The following TANGO2 variants were observed in gnomAD, a reference collection of about 807,000 sequenced individuals.
TANGO2 encodes transport and Golgi organization protein 2 homolog.
A neutral mutation model predicts 39.1 loss-of-function variants in TANGO2; 26 were observed. That is an observed-to-expected ratio of 0.67 (90% CI 0.49 to 0.92). TANGO2 has a LOEUF of 0.92. TANGO2 is among the 40% of genes least tolerant of loss of function. TANGO2 has a pLI of 0.00. For synonymous variants in TANGO2, 131 were observed against 144.5 expected, an observed-to-expected ratio of 0.91 and a Z score of 0.67; for missense variants, 326 against 360.1, an observed-to-expected ratio of 0.91 and a Z score of 0.77.
At chr22:20,060,154 C>T (rs1040182598) in intron 6 of TANGO2, among the ~76,000 whole-genome samples, 3 of 151,982 alleles carry the variant, frequency 2.0e-5, no homozygotes, top group African/African-American at 7.2e-5. Context: ...TCGAGACCAT[C>T]CTGGCTAAAC....
intron 6 of TANGO2, chr22:20,061,309 G>A (rs1237224761): frequency 2.0e-6 from 1 of 489,840 alleles, no homozygotes; most frequent in East Asian, 3.4e-5. Flanking sequence ...GGTCTCCTGT[G>A]GGTGCCCGCT....
chr22:20,034,265 C>T (rs760975386), intron 1 of TANGO2, among the ~76,000 whole-genome samples: 49 of 152,216 alleles, frequency 3.2e-4, no homozygotes, highest in Admixed American at 1.3e-4. Flanking sequence ...TCATCACTTC[C>T]TTTGCCCTGC....
At chr22:20,053,639 G>A (rs374852400) in intron 5 of TANGO2, 88 bp downstream of exon 5, 2 of 871,788 alleles carry the variant, frequency 2.3e-6, no homozygotes, top group Non-Finnish European at 1.9e-6. Context: ...GTTCCACTGG[G>A]GGCTGTGGCA....
rs2047882658 is a variant in TANGO2, at chr22:20,058,959, G to T, written c.452-2571G>T. Among the ~76,000 whole-genome samples, 5 of 152,174 alleles carry T rather than the reference G, an allele frequency of 3.3e-5. No homozygotes were observed. The South Asian group carries it at 1.0e-3, about 31-fold the overall frequency. On this transcript the variant is annotated intron_variant, in intron 6 of 8. Transcript: ENST00000327374. ...TGGGGCAGGGTTTTAGCATTAAAAT[G>T]AGGTAGAATCTGGATCTTTCCATCA...
intron 2 of TANGO2, among the ~76,000 whole-genome samples, chr22:20,040,512 G>A (rs557847746): frequency 5.3e-5 from 8 of 152,228 alleles, no homozygotes; most frequent in Non-Finnish European, 1.2e-4. Context: ...AGGTATTTAA[G>A]AGAGAATGCT....
rs1014999814 is a variant in TANGO2, at chr22:20,065,602, A to T, written c.*940A>T. ...TGATCCACCTGCCTCGGCCTCCCAAAGTGCTGGGATTACAGGCGTGAGCCA... is the reference window on the plus strand; with the variant it reads ...TGATCCACCTGCCTCGGCCTCCCAATGTGCTGGGATTACAGGCGTGAGCCA... On this transcript the variant is annotated 3_prime_UTR_variant, in exon 9 of 9. Transcript: ENST00000327374. 2 of 152,074 alleles carry T rather than the reference A, an allele frequency of 1.3e-5. No homozygotes were observed. Among genetic ancestry groups the T allele is most frequent in the African/African-American group, 4.8e-5 (2 of 41,298 alleles). 9.4% of individuals were successfully genotyped at this position (152,074 alleles called of 1,614,324 possible).
At chr22:20,020,531 G>T (rs2039497505), upstream of TANGO2, among the ~76,000 whole-genome samples, 1 of 152,044 alleles carries the variant, frequency 6.6e-6, no homozygotes, top group Admixed American at 6.5e-5. Flanking sequence ...TGGGGGAGGT[G>T]GTGGGTGTGC....
intron 3 of TANGO2, among the ~76,000 whole-genome samples, chr22:20,050,469 T>A (rs952395265): frequency 3.5e-5 from 5 of 143,720 alleles, no homozygotes; most frequent in Non-Finnish European, 7.6e-5. Context: ...GTTCCAGCAA[T>A]TCTCCTGTCT....
At chr22:20,051,151 G>A (rs988758328) in intron 3 of TANGO2, among the ~76,000 whole-genome samples, 9 of 151,534 alleles carry the variant, frequency 5.9e-5, no homozygotes, top group African/African-American at 2.2e-4. Context: ...GTGAGTCACC[G>A]CACGGGGCCA....
chr22:20,052,718 A>C (rs544163353), intron 4 of TANGO2, 134 bp downstream of exon 4: 3 of 1,175,252 alleles, frequency 2.6e-6, no homozygotes, highest in Admixed American at 4.4e-5. Context: ...AGGAAGTGCC[A>C]AGGTGCTTGT....
chr22:20,030,041 G>A (rs1440799654), intron 1 of TANGO2, among the ~76,000 whole-genome samples: 1 of 152,218 alleles, frequency 6.6e-6, no homozygotes, highest in African/African-American at 2.4e-5. Context: ...CAGTGGTACA[G>A]GCCAGCCGCT....
chr22:20,055,941 A>T lies in TANGO2; in HGVS notation c.381-2A>T. 1 of 1,613,456 alleles carries T rather than the reference A, an allele frequency of 6.2e-7. No homozygotes were observed. Among genetic ancestry groups the T allele is most frequent in the Non-Finnish European group, 8.5e-7 (1 of 1,179,388 alleles). On this transcript the variant is annotated splice_acceptor_variant, in intron 5 of 8. Transcript: ENST00000327374. LOFTEE classifies it high-confidence loss of function. Reference sequence around the variant, plus strand: ...CTGACATTCTCTCCCCTTGGCCTGCAGCACAGCAAAGGGAGACGTCATTTG... The same window carrying T: ...CTGACATTCTCTCCCCTTGGCCTGCTGCACAGCAAAGGGAGACGTCATTTG...
Position 20,043,357 on chromosome 22 carries a change from T to C in TANGO2, c.59T>C (p.Leu20Pro). The C allele has an allele frequency of 6.2e-7, 1 of 1,611,662 alleles. No individual in the cohort carries two copies. Among genetic ancestry groups the C allele is most frequent in the Non-Finnish European group, 8.5e-7 (1 of 1,178,226 alleles). Residue 20 changes from leucine to proline, a missense_variant and splice_region_variant, in exon 3 of 9, where the codon CTC (leucine) becomes CCC (proline). By Grantham distance (98) the Leu-to-Pro change is moderately conservative. Transcript: ENST00000327374. ...PRPVSKNAYR[L>P]ILAANRDEFY... ...TCAGTGATGCTTTCCTCTTGCAGGC[T>C]CATCTTGGCAGCCAACAGGGATGAA...
At chr22:20,051,155 G>A (rs913844147) in intron 3 of TANGO2, among the ~76,000 whole-genome samples, 1 of 151,530 alleles carries the variant, frequency 6.6e-6, no homozygotes, top group East Asian at 1.9e-4. Context: ...GTCACCGCAC[G>A]GGGCCACAAA....
chr22:20,037,345 A>G (rs1425627656), intron 2 of TANGO2, among the ~76,000 whole-genome samples: 2 of 152,190 alleles, frequency 1.3e-5, no homozygotes, highest in Non-Finnish European at 2.9e-5. Context: ...AATCGAGGCC[A>G]GAAGCCACCC....
At position 20,064,770 on chromosome 22, in the gene TANGO2, G is replaced by A. The variant is rs2049004003; in HGVS notation, c.*108G>A. 7.1e-7 allele frequency: 1 copy of A among 1,415,760 alleles called. No homozygotes were observed. The highest frequency in any genetic ancestry group is 9.6e-7 in the Non-Finnish European group (1 of 1,046,488). 87.7% of individuals were successfully genotyped at this position (1,415,760 alleles called of 1,614,324 possible). ...ACTGCATTGCACTGCCCGTGGCTTG[G>A]CCAGCATCCCCCGGATCAGGGCCCT... is the stretch of plus-strand genomic sequence containing the variant. On this transcript the variant is annotated 3_prime_UTR_variant, in exon 9 of 9. Transcript: ENST00000327374.
At chr22:20,034,132 G>A (rs1306236626) in intron 1 of TANGO2, among the ~76,000 whole-genome samples, 1 of 152,202 alleles carries the variant, frequency 6.6e-6, no homozygotes, top group Admixed American at 6.5e-5. Context: ...TTGAACTCGG[G>A]GGGCGGAGGT....
At chr22:20,030,005 A>T (rs2146879383) in intron 1 of TANGO2, among the ~76,000 whole-genome samples, 1 of 152,200 alleles carries the variant, frequency 6.6e-6, no homozygotes, top group East Asian at 1.9e-4. Context: ...TTGCTTGTCT[A>T]CCAAGTCCCT....
intron 1 of TANGO2, among the ~76,000 whole-genome samples, chr22:20,027,998 C>T (rs541971887): frequency 1.3e-5 from 2 of 152,160 alleles, no homozygotes; most frequent in African/African-American, 2.4e-5. Flanking sequence ...CGGGTTTCAC[C>T]GTGTTGGCCA....
Sources: allele counts gnomAD v4.1 joint callset (sites outside exome capture counted in the v4.1 genomes callset), GRCh38; gene constraint gnomAD v4.1.1; transcripts MANE v1.5; gene names NCBI Gene and HGNC (gene_info 2026-07-23, HGNC 2026-07-21).